FBXO11: variants seen among roughly 807,000 people sequenced by gnomAD.
The protein encoded by FBXO11 is F-box protein 11.
FBXO11 carries 13 observed loss-of-function variants against 117.0 expected under a neutral mutation model. The ratio of observed to expected loss-of-function variants is 0.11; its 90% confidence interval spans 0.07 to 0.18. The LOEUF (loss-of-function observed/expected upper bound fraction) is 0.18, where lower values mean the gene tolerates loss of function less well. FBXO11 is among the 10% of genes least tolerant of loss of function. The pLI is 1.00. For missense variants in FBXO11, 767 were observed against 1,164.4 expected, an observed-to-expected ratio of 0.66 and a Z score of 4.97; for synonymous variants, 490 against 380.5, an observed-to-expected ratio of 1.29 and a Z score of -3.35.
chr2:47,893,344 G>A (rs1677404987), intron 1 of FBXO11, among the ~76,000 whole-genome samples: 1 of 148,752 alleles, frequency 6.7e-6, no homozygotes, highest in Admixed American at 6.6e-5. Flanking sequence ...TAAATCACAT[G>A]TGTATGTGCA....
rs1232093891 is a variant in FBXO11, at chr2:47,839,679, G to A, written c.323C>T (p.Pro108Leu). Residue 108 changes from proline to leucine, a missense_variant, in exon 2 of 23, where the codon CCG becomes CTG. By Grantham distance (98) the Pro-to-Leu change is moderately conservative. Around this residue, in one of 10 missense-constraint regions of FBXO11, gnomAD observed 355 missense variants for 299.8 expected, o/e 1.18. Coordinates refer to ENST00000403359, the MANE Select transcript of FBXO11 (RefSeq NM_001190274.2). Reference sequence around the variant, plus strand: ...CTTTGTGGGACACGCTGTTCTTTTCGGCAAAAGAGTTTTTCTACGAAGTTG... The same window carrying A: ...CTTTGTGGGACACGCTGTTCTTTTCAGCAAAAGAGTTTTTCTACGAAGTTG... ...PYQLRRKTLL[P>L]KRTACPTKNS... 1.9e-6 allele frequency: 3 copies of A among 1,613,960 alleles called. No homozygotes were observed. Among genetic ancestry groups the A allele is most frequent in the South Asian group, 2.2e-5 (2 of 91,066 alleles).
At chr2:47,898,767 T>C (rs1677867950) in intron 1 of FBXO11, among the ~76,000 whole-genome samples, 1 of 152,152 alleles carries the variant, frequency 6.6e-6, no homozygotes, top group Non-Finnish European at 1.5e-5. Flanking sequence ...AGGGGACAGA[T>C]CTGCTTCAAG....
At position 47,807,667 on chromosome 2, in the gene FBXO11, TAA is replaced by T. The variant is rs11314400; in HGVS notation, c.*449_*450del. On this transcript the variant is annotated 3_prime_UTR_variant, in exon 23 of 23. Transcript: ENST00000403359. ...CATATTTCTCAATCTGAATACATGTTAAAAAAAAAAAATCAAAAGGAACGCAG... is the reference window on the plus strand; with the variant it reads ...CATATTTCTCAATCTGAATACATGTTAAAAAAAAAATCAAAAGGAACGCAG... The T allele has an allele frequency of 6.5e-3, 1,347 of 205,968 alleles. 3 individuals carry two copies. Among genetic ancestry groups the T allele is most frequent in the East Asian group, 0.022 (263 of 12,222 alleles). The allele number at this position is 205,968 out of a possible 1,614,324, so 12.8% of individuals were successfully genotyped here. A position where few individuals can be genotyped will look rare whatever the true frequency, so the allele number is the denominator to read the frequency against.
chr2:47,836,292 A>C (rs1020022358), intron 4 of FBXO11, among the ~76,000 whole-genome samples: 3 of 152,194 alleles, frequency 2.0e-5, no homozygotes, highest in African/African-American at 7.2e-5. Context: ...CGCACAGCTA[A>C]AAACAGGATT....
chr2:47,809,965 T>C (rs1670501820), intron 19 of FBXO11: 2 of 499,628 alleles, frequency 4.0e-6, no homozygotes, highest in Non-Finnish European at 7.0e-6. Context: ...GGATTTCATT[T>C]GCATCCATTT....
In FBXO11 at chr2:47,905,677, G is replaced by A. The variant is rs1439702995; in HGVS notation, c.44C>T (p.Ser15Leu). Residue 15 changes from serine to leucine, a missense_variant, in exon 1 of 23, where the codon TCG (serine) becomes TTG (leucine). Physicochemically the swap from Ser to Leu is moderately radical, Grantham distance 145. Transcript: ENST00000403359. ...RAANRRPRRV[S>L]RPRPVQQQQQ... ...CTGTTGCTGCACCGGGCGCGGCCGC[G>A]ACACTCGCCTGGGTCTCCGGTTGGC... The A allele has an allele frequency of 1.3e-6, 2 of 1,507,934 alleles. No individual in the cohort carries two copies. The highest frequency in any genetic ancestry group is 1.8e-6 in the Non-Finnish European group (2 of 1,130,360). The allele number at this position is 1,507,934 out of a possible 1,614,324, so 93.4% of individuals were successfully genotyped here. A position where few individuals can be genotyped will look rare whatever the true frequency, so the allele number is the denominator to read the frequency against.
chr2:47,874,870 T>TC (rs1238104410), intron 1 of FBXO11, among the ~76,000 whole-genome samples: 1 of 150,082 alleles, frequency 6.7e-6, no homozygotes, highest in Non-Finnish European at 1.5e-5. Context: ...CTCAGGACTT[T>TC]TTTTTTTTTT....
chr2:47,885,702 AAG>A (rs1260308506), intron 1 of FBXO11, among the ~76,000 whole-genome samples: 5 of 152,234 alleles, frequency 3.3e-5, no homozygotes, highest in Non-Finnish European at 7.3e-5. Context: ...TAAAGCCTTG[AAG>A]AGAGTGCCTA....
chr2:47,863,410 C>A lies in FBXO11; in HGVS notation c.233-23641G>T, dbSNP rs894874956. On this transcript the variant is annotated intron_variant, in intron 1 of 22. Transcript: ENST00000403359. ...GCTCTTAAACAGCTCGTTTACATGG[C>A]TCTGAAACAACACAGCTAAAGAAAA... is the stretch of plus-strand genomic sequence containing the variant. 8.9e-3 allele frequency among the ~76,000 whole-genome samples: 1,351 copies of A among 152,296 alleles called. 6 individuals are homozygous for A. Among genetic ancestry groups the A allele is most frequent in the African/African-American group, 0.031 (1,277 of 41,562 alleles).
chr2:47,855,544 A>C (rs542624262), intron 1 of FBXO11, among the ~76,000 whole-genome samples: 1 of 152,222 alleles, frequency 6.6e-6, no homozygotes, highest in Non-Finnish European at 1.5e-5. Flanking sequence ...ACAAAAATAA[A>C]GGAATGTGGC....
intron 1 of FBXO11, among the ~76,000 whole-genome samples, chr2:47,843,143 C>G (rs1022040164): frequency 1.3e-5 from 2 of 152,114 alleles, no homozygotes; most frequent in Non-Finnish European, 2.9e-5. Flanking sequence ...TATGATACGC[C>G]TAGGCATTTG....
rs767508202 is a variant in FBXO11, at chr2:47,820,449, T to G, written c.1710A>C (p.Ala570=). The change falls in exon 14 of 23, where the codon GCA becomes GCC. Residue 570 remains alanine (A), a synonymous_variant. Coordinates refer to ENST00000403359, the MANE Select transcript of FBXO11 (RefSeq NM_001190274.2). ...TTGTCCTAATTTGAATTCCTGCTAA[T>G]GCATTGCCTATTTAAAAATAAAAGT... The part of the protein sequence containing the change: ...LIEGNDIYGN[A]LAGIQIRTNS... The G allele has an allele frequency of 8.1e-6, 13 of 1,612,572 alleles. No individual in the cohort carries two copies. The highest frequency in any genetic ancestry group is 1.1e-5 in the Non-Finnish European group (13 of 1,178,892).
intron 11 of FBXO11, among the ~76,000 whole-genome samples, chr2:47,829,941 A>T (rs1216843611): frequency 6.6e-6 from 1 of 152,156 alleles, no homozygotes; most frequent in Admixed American, 6.5e-5. Context: ...ATATTTCATT[A>T]AAAAAATGTA....
intron 1 of FBXO11, among the ~76,000 whole-genome samples, chr2:47,882,455 T>G (rs1405372182): frequency 6.6e-6 from 1 of 152,218 alleles, no homozygotes; most frequent in Admixed American, 6.5e-5. Context: ...TTCAATTGTG[T>G]TTTTAACCAC....
rs1037486877 is a variant in FBXO11 at position 47,842,980 on chromosome 2, C to T, written c.233-3211G>A. 2.0e-5 allele frequency among the ~76,000 whole-genome samples: 3 copies of T among 152,202 alleles called. No individual in the cohort carries two copies. In the South Asian group the frequency reaches 6.2e-4, roughly 32 times the overall value. On this transcript the variant is annotated intron_variant, in intron 1 of 22. Transcript: ENST00000403359. Reference sequence around the variant, plus strand: ...CAACTTTTTTTTGTAGACACAAGGTCTCACCATGTTGTGCAGGCTAGTCTC... The same window carrying T: ...CAACTTTTTTTTGTAGACACAAGGTTTCACCATGTTGTGCAGGCTAGTCTC...
At chr2:47,894,090 C>G (rs1278885345) in intron 1 of FBXO11, among the ~76,000 whole-genome samples, 1 of 152,192 alleles carries the variant, frequency 6.6e-6, no homozygotes, top group East Asian at 1.9e-4. Context: ...CTGTCATTCT[C>G]AGGGGATACT....
chr2:47,822,065 A>G (rs1338427000), intron 13 of FBXO11, among the ~76,000 whole-genome samples, 153 bp downstream of exon 13: 1 of 152,164 alleles, frequency 6.6e-6, no homozygotes, highest in Non-Finnish European at 1.5e-5. Flanking sequence ...CAGTCTGCAC[A>G]AGAGAGTAAG....
chr2:47,860,939 C>T (rs1049994399), intron 1 of FBXO11, among the ~76,000 whole-genome samples: 11 of 151,016 alleles, frequency 7.3e-5, no homozygotes, highest in African/African-American at 2.4e-4. Context: ...CTCCACCTCC[C>T]GGGTTCAAGT....
intron 1 of FBXO11, among the ~76,000 whole-genome samples, chr2:47,861,023 T>C (rs1674729998): frequency 6.6e-6 from 1 of 151,848 alleles, no homozygotes; most frequent in African/African-American, 2.4e-5. Context: ...GCTAAGTTTG[T>C]ATTTTTAGTA....
Sources: gnomAD v4.1 joint callset for allele counts (sites outside exome capture counted in the v4.1 genomes callset) on GRCh38, gnomAD v4.1.1 for gene constraint, gnomAD v4.1.1 regional missense constraint, MANE v1.5 for transcripts, NCBI Gene and HGNC (gene_info 2026-07-23, HGNC 2026-07-21) for gene names.